ESR2: variants seen among roughly 807,000 people sequenced by gnomAD.
ESR2 encodes the protein estrogen receptor beta.
A neutral mutation model predicts 49.6 loss-of-function variants in ESR2; 36 were observed. The observed-to-expected ratio is 0.73, with a 90% CI of 0.56 to 0.96. The LOEUF is 0.96. Ranked by LOEUF, ESR2 falls within the 40% of genes least tolerant of loss-of-function variation. The pLI is 0.00. For synonymous variants in ESR2, 320 were observed against 266.1 expected, an observed-to-expected ratio of 1.20 and a Z score of -1.97; for missense variants, 714 against 693.0, an observed-to-expected ratio of 1.03 and a Z score of -0.34.
intron 1 of ESR2, among the ~76,000 whole-genome samples, chr14:64,308,192 T>A (rs1026345264): frequency 6.6e-6 from 1 of 152,034 alleles, no homozygotes; most frequent in African/African-American, 2.4e-5. Flanking sequence ...TTTTTGTATT[T>A]TTTGTAGAGA....
At chr14:64,305,336 T>A (rs2077077880) in intron 1 of ESR2, among the ~76,000 whole-genome samples, 1 of 148,968 alleles carries the variant, frequency 6.7e-6, no homozygotes, top group Admixed American at 6.7e-5. Context: ...TTTTAAAATA[T>A]CAAGATTTTA....
At chr14:64,310,321 C>A (rs1213252248) in intron 1 of ESR2, among the ~76,000 whole-genome samples, 1 of 129,002 alleles carries the variant, frequency 7.8e-6, no homozygotes. Flanking sequence ...AATAATAATT[C>A]TGGGTGTAGA....
intron 1 of ESR2, among the ~76,000 whole-genome samples, chr14:64,304,189 C>G (rs1437853718): frequency 6.6e-6 from 1 of 152,200 alleles, no homozygotes; most frequent in African/African-American, 2.4e-5. Context: ...TGCCTGTAGT[C>G]CTAGCTACTC....
At chr14:64,254,367 T>C (rs1049163040) in intron 6 of ESR2, among the ~76,000 whole-genome samples, 3 of 152,156 alleles carry the variant, frequency 2.0e-5, no homozygotes, top group Non-Finnish European at 4.4e-5. Flanking sequence ...CATAAAAGTA[T>C]ATTCATTTGT....
chr14:64,285,052 T>C (rs2076761954), intron 1 of ESR2, among the ~76,000 whole-genome samples: 2 of 152,086 alleles, frequency 1.3e-5, no homozygotes, highest in African/African-American at 4.8e-5. Context: ...CGTTTCACCA[T>C]GTTGGCCAGG....
chr14:64,248,173 AAC>A, intron 7 of ESR2, among the ~76,000 whole-genome samples: 1 of 152,222 alleles, frequency 6.6e-6, no homozygotes, highest in Middle Eastern at 3.4e-3. Context: ...CAGCCTGGGC[AAC>A]AGAGTGACAC....
intron 3 of ESR2, among the ~76,000 whole-genome samples, chr14:64,272,245 AT>A (rs1353194699): frequency 6.6e-6 from 1 of 152,050 alleles, no homozygotes; most frequent in Non-Finnish European, 1.5e-5. Context: ...TTTAAATTGG[AT>A]TTTTAAGTTT....
intron 4 of ESR2, among the ~76,000 whole-genome samples, chr14:64,264,928 T>C (rs2140746512): frequency 6.6e-6 from 1 of 152,066 alleles, no homozygotes; most frequent in Non-Finnish European, 1.5e-5. Flanking sequence ...TACATTTCTC[T>C]TTTGTAGAGT....
chr14:64,295,948 G>A (rs1051024585), upstream of ESR2, among the ~76,000 whole-genome samples: 3 of 150,830 alleles, frequency 2.0e-5, no homozygotes, highest in South Asian at 2.1e-4. Context: ...GGAGGCTGAG[G>A]CAGGAGAATC....
chr14:64,316,176 A>ATTT (rs1183017539), intron 1 of ESR2, among the ~76,000 whole-genome samples: 1 of 140,780 alleles, frequency 7.1e-6, no homozygotes, highest in African/African-American at 2.6e-5. Context: ...TGCCCAGCTA[A>ATTT]TTTTTTTTTT....
chr14:64,285,443 C>G (rs1349580603), intron 1 of ESR2, among the ~76,000 whole-genome samples: 1 of 152,136 alleles, frequency 6.6e-6, no homozygotes, highest in Non-Finnish European at 1.5e-5. Flanking sequence ...TACCTTCACA[C>G]TTTTTTTGCT....
chr14:64,267,453 C>T (rs1283611105), intron 4 of ESR2, among the ~76,000 whole-genome samples: 2 of 152,066 alleles, frequency 1.3e-5, no homozygotes, highest in Non-Finnish European at 2.9e-5. Flanking sequence ...CTCTAGGAAG[C>T]CAGAGAAGCA....
At chr14:64,307,538 G>C (rs904874749) in intron 1 of ESR2, among the ~76,000 whole-genome samples, 1 of 144,996 alleles carries the variant, frequency 6.9e-6, no homozygotes, top group African/African-American at 2.5e-5. Flanking sequence ...GTTTTGTTTT[G>C]TTTTGTTTAT....
intron 1 of ESR2, among the ~76,000 whole-genome samples, chr14:64,325,122 A>G (rs1341538589): frequency 6.6e-6 from 1 of 152,204 alleles, no homozygotes; most frequent in Non-Finnish European, 1.5e-5. Flanking sequence ...TTAATCTCCT[A>G]TCAGGAATGT....
At chr14:64,268,433 C>A (rs2140760553) in intron 4 of ESR2, among the ~76,000 whole-genome samples, 1 of 152,278 alleles carries the variant, frequency 6.6e-6, no homozygotes, top group South Asian at 2.1e-4. Flanking sequence ...CGACTTCATC[C>A]TTAGAACTGG....
intron 3 of ESR2, among the ~76,000 whole-genome samples, chr14:64,279,471 C>G (rs1232123558): frequency 6.6e-6 from 1 of 152,086 alleles, no homozygotes; most frequent in African/African-American, 2.4e-5. Context: ...GGATTGTGAA[C>G]TGAGACCCTC....
chr14:64,290,470 GC>G (rs1296909583), intron 1 of ESR2, among the ~76,000 whole-genome samples: 1 of 151,948 alleles, frequency 6.6e-6, no homozygotes, highest in Non-Finnish European at 1.5e-5. Flanking sequence ...TGGCATGATC[GC>G]GGCTCACTGT....
Position 64,233,062 on chromosome 14 carries a change from C to A in ESR2, c.*75G>T. The A allele has an allele frequency of 6.5e-7, 1 of 1,548,374 alleles. No individual in the cohort carries two copies. Among genetic ancestry groups the A allele is most frequent in the Non-Finnish European group, 8.7e-7 (1 of 1,144,002 alleles). On this transcript the variant is annotated 3_prime_UTR_variant, in exon 9 of 9. Coordinates refer to ENST00000341099, the MANE Select transcript of ESR2 (RefSeq NM_001437.3). ...GGGACCACACAGCAGAAAGATGAAG[C>A]CCAGGCTCCTGACACACTGGAGTTC...
At chr14:64,303,055 C>T (rs892010489) in intron 1 of ESR2, among the ~76,000 whole-genome samples, 9 of 152,174 alleles carry the variant, frequency 5.9e-5, no homozygotes, top group Non-Finnish European at 1.0e-4. Context: ...CTGCCATGGC[C>T]TCCCAAATTG....
Sources: gnomAD v4.1 joint callset for allele counts (sites outside exome capture counted in the v4.1 genomes callset) on GRCh38, gnomAD v4.1.1 for gene constraint, MANE v1.5 for transcripts, NCBI Gene and HGNC (gene_info 2026-07-23, HGNC 2026-07-21) for gene names.